PDGFD: variants seen among roughly 807,000 people sequenced by gnomAD.
PDGFD encodes platelet derived growth factor D, also known as platelet-derived growth factor D.
In PDGFD, 30 loss-of-function variants were observed where a neutral mutation model predicts 44.7. The observed-to-expected ratio is 0.67, with a 90% confidence interval of 0.50 to 0.91. The LOEUF is 0.91. Among genes scored for constraint, PDGFD ranks in the 40% least tolerant of loss-of-function variants. The pLI, the probability that PDGFD is intolerant of heterozygous loss-of-function variation, is 0.00. For synonymous variants in PDGFD, 173 were observed against 168.4 expected, an observed-to-expected ratio of 1.03 and a Z score of -0.21; for missense variants, 445 against 457.8, an observed-to-expected ratio of 0.97 and a Z score of 0.25.
At chr11:103,918,141 A>G (rs933193232) in intron 6 of PDGFD, among the ~76,000 whole-genome samples, 53 of 152,278 alleles carry the variant, frequency 3.5e-4, no homozygotes, top group African/African-American at 1.3e-3. Context: ...TACCCTAAGA[A>G]AGTTCTTTAG....
intron 1 of PDGFD, among the ~76,000 whole-genome samples, chr11:104,110,255 C>T (rs1392493334): frequency 6.6e-6 from 1 of 151,660 alleles, no homozygotes; most frequent in Admixed American, 6.6e-5. Flanking sequence ...CAATGAGGCT[C>T]TTTCTATACA....
chr11:103,928,686 A>G (rs1386587452), intron 5 of PDGFD, among the ~76,000 whole-genome samples: 2 of 152,214 alleles, frequency 1.3e-5, no homozygotes, highest in South Asian at 2.1e-4. Flanking sequence ...ATCACTGTGC[A>G]TAATTTATTG....
chr11:103,939,572 G>A (rs531643506), intron 5 of PDGFD, among the ~76,000 whole-genome samples: 1 of 152,162 alleles, frequency 6.6e-6, no homozygotes, highest in South Asian at 2.1e-4. Flanking sequence ...GATTGCCCTG[G>A]AGGCATATGT....
At chr11:104,046,940 T>A (rs1860451155) in intron 1 of PDGFD, among the ~76,000 whole-genome samples, 3 of 146,348 alleles carry the variant, frequency 2.0e-5, no homozygotes, top group South Asian at 4.7e-4. Context: ...CCTCCCTGTG[T>A]CTACATGTTC....
chr11:103,993,857 G>A (rs1801268303), intron 3 of PDGFD, among the ~76,000 whole-genome samples: 1 of 152,090 alleles, frequency 6.6e-6, no homozygotes, highest in Non-Finnish European at 1.5e-5. Context: ...AGAGTCTGTA[G>A]CTATTCTCAA....
chr11:104,163,721 A>T, intron 1 of PDGFD, 83 bp downstream of exon 1: 2 of 1,422,826 alleles, frequency 1.4e-6, no homozygotes, highest in South Asian at 1.7e-5. Context: ...AGATTCAAAA[A>T]GAAAGGGGAA....
chr11:104,155,906 C>T (rs1862300500), intron 1 of PDGFD, among the ~76,000 whole-genome samples: 1 of 152,162 alleles, frequency 6.6e-6, no homozygotes, highest in African/African-American at 2.4e-5. Flanking sequence ...AGCTCACACC[C>T]AGCAACATCT....
chr11:103,939,540 C>A (rs911358817), intron 5 of PDGFD, among the ~76,000 whole-genome samples: 1 of 152,058 alleles, frequency 6.6e-6, no homozygotes, highest in Admixed American at 6.6e-5. Flanking sequence ...AATTGAATAC[C>A]CTTTATTTCC....
chr11:104,107,296 TG>T (rs1201329812), intron 1 of PDGFD, among the ~76,000 whole-genome samples: 1 of 152,054 alleles, frequency 6.6e-6, no homozygotes, highest in Non-Finnish European at 1.5e-5. Context: ...AGAAGCAAAC[TG>T]CCATGTTAGA....
chr11:104,022,164 G>T (rs1302206323), intron 1 of PDGFD, among the ~76,000 whole-genome samples: 1 of 152,108 alleles, frequency 6.6e-6, no homozygotes, highest in Non-Finnish European at 1.5e-5. Flanking sequence ...ATAATAGAAT[G>T]CCAGCAGGCT....
intron 1 of PDGFD, among the ~76,000 whole-genome samples, chr11:104,117,212 G>A (rs973443467): frequency 6.6e-6 from 1 of 151,818 alleles, no homozygotes; most frequent in Non-Finnish European, 1.5e-5. Flanking sequence ...CAGCAAAATC[G>A]ACATACAAGG....
chr11:104,027,006 T>C (rs2134386412), intron 1 of PDGFD, among the ~76,000 whole-genome samples: 1 of 152,354 alleles, frequency 6.6e-6, no homozygotes, highest in South Asian at 2.1e-4. Flanking sequence ...AGATTGTCTT[T>C]TCATTGTGTT....
Position 104,133,953 on chromosome 11 carries a change from T to C in PDGFD, c.124+29851A>G, listed in dbSNP as rs566142889. Among the ~76,000 whole-genome samples the C allele has an allele frequency of 2.0e-5, 3 of 152,290 alleles. No individual in the cohort carries two copies. The East Asian group carries it at 5.8e-4, about 29-fold the overall frequency. ...AGCCAACAGAAAGAACATCTCTTAA[T>C]TGCTGATATGGACCCATGTCAAGAC... On this transcript the variant is annotated intron_variant, in intron 1 of 6. Coordinates refer to ENST00000393158, the MANE Select transcript of PDGFD (RefSeq NM_025208.5).
intron 1 of PDGFD, among the ~76,000 whole-genome samples, chr11:104,083,360 G>A (rs1861075128): frequency 6.6e-6 from 1 of 152,066 alleles, no homozygotes; most frequent in Non-Finnish European, 1.5e-5. Flanking sequence ...AAAGAACCCG[G>A]CTTATAAGTG....
intron 1 of PDGFD, among the ~76,000 whole-genome samples, chr11:104,110,092 T>G (rs1232060783): frequency 1.3e-5 from 2 of 152,152 alleles, no homozygotes; most frequent in Non-Finnish European, 2.9e-5. Context: ...CAAGATAAGA[T>G]GATTCACTTA....
intron 5 of PDGFD, among the ~76,000 whole-genome samples, chr11:103,929,810 G>A (rs1233019108): frequency 3.3e-5 from 5 of 152,192 alleles, no homozygotes; most frequent in Admixed American, 3.3e-4. Flanking sequence ...AGCCAGTGCA[G>A]CAGAGCAGGG....
intron 1 of PDGFD, among the ~76,000 whole-genome samples, chr11:104,016,580 T>A (rs1461591845): frequency 6.6e-6 from 1 of 152,090 alleles, no homozygotes; most frequent in African/African-American, 2.4e-5. Flanking sequence ...AAGTAAGAAA[T>A]AAGGGGCAAG....
chr11:103,914,381 C>T (rs548213225), intron 6 of PDGFD, among the ~76,000 whole-genome samples: 2 of 152,278 alleles, frequency 1.3e-5, no homozygotes, highest in South Asian at 4.2e-4. Flanking sequence ...CACATACACC[C>T]TCTCAAGACT....
intron 6 of PDGFD, among the ~76,000 whole-genome samples, chr11:103,914,701 A>G (rs546125919): frequency 2.0e-5 from 3 of 152,326 alleles, no homozygotes; most frequent in African/African-American, 7.2e-5. Context: ...ATCCTCAATA[A>G]AATACTGGCA....
Sources: gnomAD v4.1 joint callset for allele counts (sites outside exome capture counted in the v4.1 genomes callset) on GRCh38, gnomAD v4.1.1 for gene constraint, MANE v1.5 for transcripts, NCBI Gene and HGNC (gene_info 2026-07-23, HGNC 2026-07-21) for gene names.